SDF4: variants seen among roughly 807,000 people sequenced by gnomAD.
The protein encoded by SDF4 is stromal cell derived factor 4.
SDF4 carries 22 observed loss-of-function variants against 34.2 expected under a neutral mutation model. The ratio of observed to expected loss-of-function variants is 0.64; its 90% confidence interval spans 0.46 to 0.92. The LOEUF (loss-of-function observed/expected upper bound fraction) is 0.92. Among genes scored for constraint, SDF4 ranks in the 40% least tolerant of loss-of-function variants. SDF4 has a pLI of 0.00. For missense variants in SDF4, 447 were observed against 499.9 expected, an observed-to-expected ratio of 0.89 and a Z score of 1.01; for synonymous variants, 236 against 203.1, an observed-to-expected ratio of 1.16 and a Z score of -1.38.
At position 1,217,369 on chromosome 1, in the gene SDF4, TCATCAA is replaced by T; in HGVS notation, c.*137_*142del. On this transcript the variant is annotated 3_prime_UTR_variant, in exon 7 of 7. Coordinates refer to ENST00000360001, the MANE Select transcript of SDF4 (RefSeq NM_016176.6). This position sits in a 1 kb window ranked among gnomAD's most constrained non-coding sequence, Gnocchi z 8.5. ...GCGCGCTGCAGAGGGGACACGCCGC[TCATCAA>T]CTGGGGCAGCCGCGGTCGGTCGGCC... The T allele has an allele frequency of 1.6e-6, 1 of 610,094 alleles. No individual in the cohort carries two copies. The highest frequency in any genetic ancestry group is 2.3e-6 in the Non-Finnish European group (1 of 430,778). 37.8% of individuals were successfully genotyped at this position (610,094 alleles called of 1,614,324 possible).
chr1:1,231,454 C>T (rs1309812164), intron 1 of SDF4, among the ~76,000 whole-genome samples: 2 of 152,368 alleles, frequency 1.3e-5, no homozygotes, highest in Admixed American at 6.5e-5. Context: ...CGCCTCTGAG[C>T]CAGACATCAA....
chr1:1,222,736 C>T (rs1296768191), intron 4 of SDF4, among the ~76,000 whole-genome samples: 2 of 152,370 alleles, frequency 1.3e-5, no homozygotes, highest in East Asian at 3.9e-4. Context: ...CCAGGCACAG[C>T]TCACACGCTC....
At chr1:1,224,825 G>T (rs186650301) in intron 2 of SDF4, among the ~76,000 whole-genome samples, 45 of 152,270 alleles carry the variant, frequency 3.0e-4, no homozygotes, top group African/African-American at 1.1e-3. Context: ...GAGGTGGGAG[G>T]CCTCCCGAAC....
chr1:1,228,553 C>A lies in SDF4; in HGVS notation c.220G>T (p.Val74Phe). The A allele has an allele frequency of 6.2e-7, 1 of 1,613,090 alleles. No individual in the cohort carries two copies. Among genetic ancestry groups the A allele is most frequent in the Non-Finnish European group, 8.5e-7 (1 of 1,180,006 alleles). ...CCACCCAGGTCCTTGCCTAGGAAGA[C>A]CTCCTGGTGGAAGCCGCGATTGAGG... ...GHLNRGFHQE[V>F]FLGKDLGGFD... is the part of the protein sequence containing the mutation. Residue 74 changes from valine to phenylalanine, a missense_variant, in exon 2 of 7, where the codon GTC (valine) becomes TTC (phenylalanine). Physicochemically the swap from Val to Phe is conservative, Grantham distance 50. Coordinates refer to ENST00000360001, the MANE Select transcript of SDF4 (RefSeq NM_016176.6).
intron 1 of SDF4, among the ~76,000 whole-genome samples, chr1:1,230,350 T>G (rs1276095396): frequency 6.6e-6 from 1 of 152,044 alleles, no homozygotes; most frequent in African/African-American, 2.4e-5. Flanking sequence ...GAAACACCAG[T>G]GGGGCCGCCA....
At position 1,218,440 on chromosome 1, in the gene SDF4, G is replaced by C; in HGVS notation, c.891+18C>G. ...CCTCGCAGGGCCGGCTCCGGGACAC[G>C]GCTGCGCCAGGGCTCACCTCCAGCT... is the stretch of plus-strand genomic sequence containing the variant. On this transcript the variant is annotated intron_variant, in intron 6 of 6. Transcript: ENST00000360001. This position sits in a 1 kb window ranked among gnomAD's most constrained non-coding sequence, Gnocchi z 7.9. The C allele has an allele frequency of 6.2e-7, 1 of 1,606,168 alleles. No individual in the cohort carries two copies. Among genetic ancestry groups the C allele is most frequent in the Non-Finnish European group, 8.5e-7 (1 of 1,178,966 alleles).
At position 1,217,643 on chromosome 1, in the gene SDF4, T is replaced by C; in HGVS notation, c.937A>G (p.Lys313Glu). ...TCGTCGGCGACGGCGATCATCTGCT[T>C]GGCCTCGTTCAGCGCGTTGTACTCG... ...MNEYNALNEA[K>E]QMIAVADENQ... is the part of the protein sequence containing the mutation. Residue 313 changes from lysine (K) to glutamate (E), a missense_variant, in exon 7 of 7, where the codon AAG (lysine) becomes GAG (glutamate). By Grantham distance (56) the Lys-to-Glu change is moderately conservative. Coordinates refer to ENST00000360001, the MANE Select transcript of SDF4 (RefSeq NM_016176.6). The surrounding 1 kb of genome is among the most constrained non-coding windows in gnomAD (Gnocchi z 8.5). 6.2e-7 allele frequency: 1 copy of C among 1,613,810 alleles called. No individual in the cohort carries two copies. Among genetic ancestry groups the C allele is most frequent in the Non-Finnish European group, 8.5e-7 (1 of 1,179,954 alleles).
At chr1:1,223,548 G>A (rs573169182) in intron 3 of SDF4, among the ~76,000 whole-genome samples, 191 bp from the exon 4 acceptor site, 276 of 152,330 alleles carry the variant, frequency 1.8e-3, no homozygotes, top group African/African-American at 6.4e-3. Flanking sequence ...TCTGTGCCTC[G>A]GGGCCACCAA....
At chr1:1,230,081 G>A (rs902427284) in intron 1 of SDF4, among the ~76,000 whole-genome samples, 2 of 152,234 alleles carry the variant, frequency 1.3e-5, no homozygotes, top group Admixed American at 6.5e-5. Flanking sequence ...AAGGGAACTC[G>A]GGGTCCTTCT....
rs567208985 is a variant in SDF4 at position 1,223,250 on chromosome 1, C to T, written c.550G>A (p.Glu184Lys). 6 of 1,611,724 alleles carry T rather than the reference C, an allele frequency of 3.7e-6. No individual in the cohort carries two copies. Among genetic ancestry groups the T allele is most frequent in the Admixed American group, 1.7e-5 (1 of 60,034 alleles). The change falls in exon 4 of 7, where the codon GAG (glutamate) becomes AAG (lysine). Residue 184 changes from glutamate (E) to lysine (K), a missense_variant. Transcript: ENST00000360001. The stretch of plus-strand genomic sequence containing the variant: ...AGCCTGGCTGAGCACTCACTTTCCT[C>T]ATCCACTTTGAGTTCCTCGTTGAGC... Reference protein sequence around the residue: ...IRLNEELKVDEETQEVLENLK... With the variant: ...IRLNEELKVDKETQEVLENLK...
At chr1:1,230,578 G>C (rs185564854) in intron 1 of SDF4, among the ~76,000 whole-genome samples, 1 of 151,790 alleles carries the variant, frequency 6.6e-6, no homozygotes. Context: ...CTCCTGCCTC[G>C]GCCTCCCAGT....
intron 1 of SDF4, among the ~76,000 whole-genome samples, chr1:1,230,357 G>A (rs193297255): frequency 3.9e-5 from 6 of 152,304 alleles, no homozygotes; most frequent in Admixed American, 6.5e-5. Flanking sequence ...CAGTGGGGCC[G>A]CCATGAAAGT....
chr1:1,218,226 T>TGAG lies in SDF4; in HGVS notation c.891+229_891+231dup, dbSNP rs1649652341. ...GAACCCTGACGCCTCCGCAAGGGGC[T>TGAG]GAGGATGGAGCCCGGCCAGGCTCGC... On this transcript the variant is annotated intron_variant, in intron 6 of 6. Coordinates refer to ENST00000360001, the MANE Select transcript of SDF4 (RefSeq NM_016176.6). The surrounding 1 kb of genome is among the most constrained non-coding windows in gnomAD (Gnocchi z 7.9). Among the ~76,000 whole-genome samples the TGAG allele has an allele frequency of 1.3e-5, 2 of 152,308 alleles. No homozygotes were observed. The highest frequency in any genetic ancestry group is 1.3e-4 in the Admixed American group (2 of 15,308).
intron 1 of SDF4, 21 bp from the exon 2 acceptor site, chr1:1,228,967 A>G (rs529629493): frequency 3.4e-6 from 2 of 593,262 alleles, no homozygotes; most frequent in African/African-American, 1.9e-5. Context: ...ACACAGACAC[A>G]TCATTAGCAA....
chr1:1,221,038 T>A (rs1348087271), intron 4 of SDF4: 2 of 343,600 alleles, frequency 5.8e-6, no homozygotes, highest in Admixed American at 7.8e-5. Context: ...GCAGATCCCT[T>A]TAGCCCAGGA....
chr1:1,223,182 AAC>A (rs57524763), intron 4 of SDF4, 60 bp downstream of exon 4: 112,562 of 1,143,834 alleles, frequency 0.098, 6,164 homozygotes, highest in East Asian at 0.18. Flanking sequence ...ATGTACACAC[AAC>A]ACACGCGCGC....
intron 4 of SDF4, chr1:1,220,276 G>A (rs1649852228): frequency 2.8e-6 from 3 of 1,057,724 alleles, no homozygotes; most frequent in South Asian, 3.0e-5. Flanking sequence ...CCTGTGAGAA[G>A]AGGACGCAGA....
At chr1:1,219,216 C>A (rs1224116824) in intron 4 of SDF4, 12 of 1,238,836 alleles carry the variant, frequency 9.7e-6, no homozygotes, top group Admixed American at 6.9e-5. Context: ...CCCCCCTGCC[C>A]CAGACCCCCA....
intron 2 of SDF4, among the ~76,000 whole-genome samples, chr1:1,228,151 C>T (rs995117883): frequency 2.6e-5 from 4 of 152,232 alleles, no homozygotes; most frequent in African/African-American, 7.2e-5. Context: ...GGCGTCTGCC[C>T]CTCAGCATGG....
Sources: allele counts gnomAD v4.1 joint callset (sites outside exome capture counted in the v4.1 genomes callset), GRCh38; gene constraint gnomAD v4.1.1; non-coding constraint Gnocchi (gnomAD v3.1); transcripts MANE v1.5; gene names NCBI Gene and HGNC (gene_info 2026-07-23, HGNC 2026-07-21).